The following FILIP1L variants were observed in gnomAD, a reference collection of about 807,000 sequenced individuals.
FILIP1L encodes the protein filamin A-interacting protein 1-like.
Under a neutral mutation model 96.6 loss-of-function variants are expected in FILIP1L, and 55 were observed. That is an observed-to-expected ratio of 0.57 (90% confidence interval 0.46 to 0.71). The LOEUF (loss-of-function observed/expected upper bound fraction) is 0.71. Among genes scored for constraint, FILIP1L ranks in the 30% least tolerant of loss-of-function variants. FILIP1L has a pLI of 0.00. For missense variants in FILIP1L, 1,304 were observed against 1,321.2 expected (o/e 0.99, Z 0.20); for synonymous variants, 467 against 473.9 (o/e 0.99, Z 0.19).
chr3:99,937,325 C>G (rs1707711069), intron 1 of FILIP1L, among the ~76,000 whole-genome samples: 1 of 152,220 alleles, frequency 6.6e-6, no homozygotes, highest in Non-Finnish European at 1.5e-5. Flanking sequence ...CATAAATTCA[C>G]AAACCCCTAG....
chr3:99,969,318 A>G (rs1211691168), intron 1 of FILIP1L, among the ~76,000 whole-genome samples: 1 of 152,220 alleles, frequency 6.6e-6, no homozygotes, highest in Non-Finnish European at 1.5e-5. Flanking sequence ...CTTGAGCAAT[A>G]TGACAGTTTG....
chr3:99,833,418 C>G (rs1026175169), intron 5 of FILIP1L, among the ~76,000 whole-genome samples: 1 of 152,148 alleles, frequency 6.6e-6, no homozygotes, highest in African/African-American at 2.4e-5. Context: ...TCATAATGAG[C>G]AAAAGAAGTA....
At chr3:99,838,918 T>A (rs1285518347) in intron 5 of FILIP1L, among the ~76,000 whole-genome samples, 1 of 152,192 alleles carries the variant, frequency 6.6e-6, no homozygotes, top group Non-Finnish European at 1.5e-5. Context: ...AGTGCTGTAT[T>A]CATGGTTCTT....
chr3:99,944,604 C>G (rs756531422), intron 1 of FILIP1L, among the ~76,000 whole-genome samples: 41 of 152,316 alleles, frequency 2.7e-4, no homozygotes, highest in South Asian at 4.1e-4. Context: ...TAACCGAAAC[C>G]TAAAGAGGTT....
chr3:100,019,928 G>C (rs2064777284), intron 1 of FILIP1L, among the ~76,000 whole-genome samples: 1 of 152,110 alleles, frequency 6.6e-6, no homozygotes, highest in African/African-American at 2.4e-5. Flanking sequence ...GAATGAGATT[G>C]AGGGCAGGGG....
At chr3:99,945,468 G>C (rs568321729) in intron 1 of FILIP1L, among the ~76,000 whole-genome samples, 1 of 152,162 alleles carries the variant, frequency 6.6e-6, no homozygotes, top group Non-Finnish European at 1.5e-5. Context: ...CCAAGAGTGC[G>C]TGTTGACTAA....
chr3:99,861,335 T>A (rs1305927290), intron 4 of FILIP1L, among the ~76,000 whole-genome samples: 1 of 152,206 alleles, frequency 6.6e-6, no homozygotes, highest in Non-Finnish European at 1.5e-5. Context: ...GGCTGCCCTG[T>A]CCCTCTAGGG....
intron 5 of FILIP1L, among the ~76,000 whole-genome samples, chr3:99,832,459 T>C (rs1010984008): frequency 6.1e-5 from 9 of 146,842 alleles, no homozygotes; most frequent in Non-Finnish European, 9.0e-5. Context: ...CTCGATCTCC[T>C]GACCTCATGA....
chr3:99,888,359 C>T (rs1035082813), intron 4 of FILIP1L, among the ~76,000 whole-genome samples: 2 of 151,578 alleles, frequency 1.3e-5, no homozygotes, highest in African/African-American at 4.9e-5. Context: ...GAGTGAGACT[C>T]CATAGCTTAA....
intron 1 of FILIP1L, among the ~76,000 whole-genome samples, chr3:100,092,711 G>A (rs1433877137): frequency 6.7e-6 from 1 of 148,648 alleles, no homozygotes; most frequent in African/African-American, 2.5e-5. Context: ...TCTCCCTTTA[G>A]AGAAAAAAAT....
chr3:99,892,842 T>G (rs1289818626), intron 4 of FILIP1L, among the ~76,000 whole-genome samples: 2 of 152,228 alleles, frequency 1.3e-5, no homozygotes, highest in African/African-American at 2.4e-5. Context: ...TAAACATAGG[T>G]CAAGTTCATG....
intron 4 of FILIP1L, among the ~76,000 whole-genome samples, chr3:99,887,646 GA>G (rs1421082286): frequency 1.3e-5 from 2 of 152,150 alleles, no homozygotes; most frequent in Non-Finnish European, 2.9e-5. Context: ...GGCATTGTTA[GA>G]AAATTCTTTT....
rs1942596747 is a variant in FILIP1L at position 99,829,166 on chromosome 3, C to T, written c.*1248G>A. ...CAGTCCTTAACCATGAGGATTTCTT[C>T]CAGGGTCATGCTTCCAGTTTTTAGT... On this transcript the variant is annotated 3_prime_UTR_variant, in exon 6 of 6. Coordinates refer to ENST00000477258, the MANE Select transcript of FILIP1L (RefSeq NM_001387850.1). Among the ~76,000 whole-genome samples, 1 of 152,164 alleles carries T rather than the reference C, an allele frequency of 6.6e-6. No homozygotes were observed. The highest frequency in any genetic ancestry group is 2.4e-5 in the African/African-American group (1 of 41,430).
chr3:99,891,309 G>A (rs1706075700), intron 4 of FILIP1L, among the ~76,000 whole-genome samples: 1 of 151,976 alleles, frequency 6.6e-6, no homozygotes, highest in Admixed American at 6.5e-5. Flanking sequence ...GCTTTATGTG[G>A]GGCTGGGAGG....
intron 1 of FILIP1L, among the ~76,000 whole-genome samples, chr3:100,037,025 A>C (rs1362474067): frequency 5.9e-5 from 9 of 152,212 alleles, no homozygotes; most frequent in African/African-American, 2.2e-4. Flanking sequence ...GATTAAAAGA[A>C]ACCAAAGAGA....
chr3:99,995,244 A>T lies in FILIP1L; in HGVS notation c.-10-64214T>A, dbSNP rs116114511. On this transcript the variant is annotated intron_variant, in intron 1 of 5. Transcript: ENST00000477258. ...AGAAATTGGCCAAAACAAAGGGGCT[A>T]CGGGGCCCATGCAAGTCTGAAATTC... Among the ~76,000 whole-genome samples, 996 of 152,320 alleles carry T rather than the reference A, an allele frequency of 6.5e-3. 14 individuals are homozygous for T. The highest frequency in any genetic ancestry group is 0.023 in the African/African-American group (944 of 41,576).
Position 99,849,257 on chromosome 3 carries a change from T to C in FILIP1L, c.2419A>G (p.Asn807Asp), listed in dbSNP as rs1943533409. ...SKEVQTEAVD[N>D]EPPDYKSLIP... ...AGGCTCTTGTAATCAGGTGGTTCAT[T>C]GTCTACTGCTTCTGTCTGAACTTCT... The change falls in exon 5 of 6, where the codon AAT becomes GAT. Residue 807 changes from asparagine (N) to aspartate (D), a missense_variant. Coordinates refer to ENST00000477258, the MANE Select transcript of FILIP1L (RefSeq NM_001387850.1). 8.1e-6 allele frequency: 13 copies of C among 1,614,226 alleles called. No individual in the cohort carries two copies. Among genetic ancestry groups the C allele is most frequent in the Non-Finnish European group, 1.1e-5 (13 of 1,180,024 alleles).
At chr3:99,902,903 A>T (rs1706482616) in intron 4 of FILIP1L, among the ~76,000 whole-genome samples, 6 of 152,232 alleles carry the variant, frequency 3.9e-5, no homozygotes. Context: ...AAAGTGATTT[A>T]TTTAAAGCAA....
chr3:100,075,505 G>A (rs761049863), intron 1 of FILIP1L: 10 of 151,118 alleles, frequency 6.6e-5, no homozygotes, highest in Non-Finnish European at 1.0e-4. Flanking sequence ...AGCTTTATTC[G>A]AAGCTTCGGG....
Sources: gnomAD v4.1 joint callset for allele counts (sites outside exome capture counted in the v4.1 genomes callset) on GRCh38, gnomAD v4.1.1 for gene constraint, MANE v1.5 for transcripts, NCBI Gene and HGNC (gene_info 2026-07-23, HGNC 2026-07-21) for gene names.